The following CPNE1 variants were observed in gnomAD, a reference collection of about 807,000 sequenced individuals.
CPNE1 encodes the protein copine-1.
CPNE1 carries 58 observed loss-of-function variants against 63.2 expected under a neutral mutation model. The ratio of observed to expected loss-of-function variants is 0.92; its 90% CI spans 0.74 to 1.14. CPNE1 has a LOEUF of 1.14. Ranked by LOEUF, CPNE1 falls within the 50% of genes most tolerant of loss-of-function variation. The pLI is 0.00. For missense variants in CPNE1, 672 were observed against 661.7 expected, an observed-to-expected ratio of 1.02 and a Z score of -0.17; for synonymous variants, 237 against 249.0, an observed-to-expected ratio of 0.95 and a Z score of 0.45.
intron 1 of CPNE1, among the ~76,000 whole-genome samples, chr20:35,638,583 C>T (rs2032622052): frequency 6.6e-6 from 1 of 151,542 alleles, no homozygotes; most frequent in South Asian, 2.1e-4. Flanking sequence ...GGAAAACAGT[C>T]TGGCAGCTTA....
intron 7 of CPNE1, 39 bp from the exon 8 acceptor site, chr20:35,631,617 G>A (rs758667988): frequency 6.2e-7 from 1 of 1,607,464 alleles, no homozygotes; most frequent in Non-Finnish European, 8.5e-7. Context: ...CAAGCCAGGT[G>A]GCAGATGAGA....
At position 35,627,379 on chromosome 20, in the gene CPNE1, G is replaced by A. The variant is rs779032581; in HGVS notation, c.1137C>T (p.Ala379=). ...IQGIVDAYRQ[A]LPQVRLYGPT... is the part of the protein sequence containing the mutation. ...GGCCATAGAGGCGAACTTGGGGCAG[G>A]GCTTGGCGGTAGGCATCCACAATGC... is the stretch of plus-strand genomic sequence containing the variant. Residue 379 remains alanine, a synonymous_variant, in exon 14 of 16, where the codon GCC becomes GCT. Coordinates refer to ENST00000397443, the MANE Select transcript of CPNE1 (RefSeq NM_152925.3). 2 of 1,614,052 alleles carry A rather than the reference G, an allele frequency of 1.2e-6. No individual in the cohort carries two copies. The highest frequency in any genetic ancestry group is 1.7e-6 in the Non-Finnish European group (2 of 1,180,016).
Position 35,630,450 on chromosome 20 carries a change from G to A in CPNE1, c.1091C>T (p.Pro364Leu). Reference protein sequence around the residue: ...EFALNFNPSNPYCAGIQGIVD... With the variant: ...EFALNFNPSNLYCAGIQGIVD... The stretch of plus-strand genomic sequence containing the variant: ...ATGGGGAAACTTACCTGCACAGTAG[G>A]GGTTACTGGGGTTGAAATTCAAGGC... Residue 364 changes from proline to leucine, a missense_variant, in exon 13 of 16, where the codon CCC (proline) becomes CTC (leucine). Physicochemically the swap from Pro to Leu is moderately conservative, Grantham distance 98 (BLOSUM62 -3). Coordinates refer to ENST00000397443, the MANE Select transcript of CPNE1 (RefSeq NM_152925.3). 1 of 1,614,120 alleles carries A rather than the reference G, an allele frequency of 6.2e-7. No homozygotes were observed. Among genetic ancestry groups the A allele is most frequent in the East Asian group, 2.2e-5 (1 of 44,882 alleles).
chr20:35,628,855 G>C (rs1337528646), intron 13 of CPNE1, among the ~76,000 whole-genome samples: 2 of 152,200 alleles, frequency 1.3e-5, no homozygotes, highest in African/African-American at 4.8e-5. Flanking sequence ...ATGTAAGAAA[G>C]AGTCTTTGAT....
rs145793998 is a variant in CPNE1, at chr20:35,630,714, G to A, written c.1050+27C>T. 2.7e-4 allele frequency: 441 copies of A among 1,612,218 alleles called. No homozygotes were observed. In the African/African-American group the frequency reaches 4.9e-3, roughly 18 times the overall value. On this transcript the variant is annotated intron_variant, in intron 12 of 15. Transcript: ENST00000397443. ...AATCAGGACCCTGAAACTGAAAACA[G>A]GAGTGGCAGAAAGAGAGGGAGCTCA...
At chr20:35,647,620 G>A (rs2033204922) in intron 1 of CPNE1, among the ~76,000 whole-genome samples, 1 of 152,066 alleles carries the variant, frequency 6.6e-6, no homozygotes, top group African/African-American at 2.4e-5. Flanking sequence ...AGAGCAGTAT[G>A]TAGAGTAGCA....
At chr20:35,646,387 A>C (rs971311524) in intron 1 of CPNE1, among the ~76,000 whole-genome samples, 1 of 141,626 alleles carries the variant, frequency 7.1e-6, no homozygotes, top group Non-Finnish European at 1.5e-5. Context: ...CTAAGTGACA[A>C]GGCTTTTTTT....
chr20:35,635,761 T>C (rs1180195291), intron 1 of CPNE1, among the ~76,000 whole-genome samples: 1 of 152,054 alleles, frequency 6.6e-6, no homozygotes, highest in African/African-American at 2.4e-5. Context: ...CCTATACTGA[T>C]CCTCAGTCAA....
In CPNE1 at chr20:35,633,029, A is replaced by G. The variant is rs1417520903; in HGVS notation, c.1-106T>C. The G allele has an allele frequency of 7.8e-6, 6 of 768,700 alleles. No homozygotes were observed. In the East Asian group the frequency reaches 9.9e-5, roughly 13 times the overall value. The allele number at this position is 768,700 out of a possible 1,614,324, so 47.6% of individuals were successfully genotyped here. Reference sequence around the variant, plus strand: ...AGCAGGCATCACCCAGGCAGGGCTGAGCATACGTCCACCCCCGTGACACCC... The same window carrying G: ...AGCAGGCATCACCCAGGCAGGGCTGGGCATACGTCCACCCCCGTGACACCC... On this transcript the variant is annotated intron_variant, in intron 1 of 15. Transcript: ENST00000397443.
intron 1 of CPNE1, chr20:35,652,811 T>A (rs371961881): frequency 6.3e-7 from 1 of 1,590,094 alleles, no homozygotes; most frequent in East Asian, 2.2e-5. Flanking sequence ...CCAATATGGA[T>A]TGGGCCAGGG....
chr20:35,664,149 T>C (rs1324371072), intron 1 of CPNE1, among the ~76,000 whole-genome samples: 2 of 151,210 alleles, frequency 1.3e-5, no homozygotes, highest in South Asian at 2.1e-4. Context: ...TCCCCAGCAA[T>C]GGACCTCGGA....
At position 35,632,683 on chromosome 20, in the gene CPNE1, T is replaced by G; in HGVS notation, c.143A>C (p.Glu48Ala). 3 of 1,065,560 alleles carry G rather than the reference T, an allele frequency of 2.8e-6. No individual in the cohort carries two copies. The highest frequency in any genetic ancestry group is 4.4e-6 in the Non-Finnish European group (3 of 678,500). The allele number at this position is 1,065,560 out of a possible 1,614,324, so 66.0% of individuals were successfully genotyped here. A position where few individuals can be genotyped will look rare whatever the true frequency, so the allele number is the denominator to read the frequency against. ...GGSWAELGRTERVRNCSSPEF... is the reference protein window; with the variant it reads ...GGSWAELGRTARVRNCSSPEF... ...AGGGCTTGAGCAGTTCCGCACCCGT[T>G]CAGTCCGGCCAAGCTGTGGGCAGAG... Residue 48 changes from glutamate (E) to alanine (A), a missense_variant, in exon 3 of 16, where the codon GAA (glutamate) becomes GCA (alanine). Coordinates refer to ENST00000397443, the MANE Select transcript of CPNE1 (RefSeq NM_152925.3).
intron 1 of CPNE1, among the ~76,000 whole-genome samples, chr20:35,663,473 C>T (rs1053502657): frequency 6.6e-6 from 1 of 152,154 alleles, no homozygotes; most frequent in African/African-American, 2.4e-5. Flanking sequence ...CTTCAACAAA[C>T]CTTCAGTTGC....
intron 1 of CPNE1, among the ~76,000 whole-genome samples, chr20:35,647,897 GAAAA>G (rs11481740): frequency 1.0e-5 from 1 of 98,742 alleles, no homozygotes; most frequent in Non-Finnish European, 2.2e-5. Flanking sequence ...TACTAAAAAT[GAAAA>G]AAAAAAAAAA....
intron 1 of CPNE1, among the ~76,000 whole-genome samples, chr20:35,662,867 C>G (rs1245376055): frequency 6.6e-6 from 1 of 152,166 alleles, no homozygotes; most frequent in Non-Finnish European, 1.5e-5. Context: ...CAATACGTTG[C>G]AAGTAACCAC....
intron 1 of CPNE1, among the ~76,000 whole-genome samples, chr20:35,640,094 C>T (rs953717668): frequency 1.3e-5 from 2 of 150,418 alleles, no homozygotes; most frequent in Non-Finnish European, 3.0e-5. Context: ...ACAGATTTGT[C>T]TCCTTTTCTT....
intron 1 of CPNE1, chr20:35,653,373 T>G: frequency 6.2e-7 from 1 of 1,614,132 alleles, no homozygotes; most frequent in Non-Finnish European, 8.5e-7. Context: ...TGGGCATTCC[T>G]GGAACTGCAG....
chr20:35,656,988 A>C (rs1471225160), intron 1 of CPNE1, among the ~76,000 whole-genome samples: 10 of 152,368 alleles, frequency 6.6e-5, no homozygotes, highest in African/African-American at 1.9e-4. Flanking sequence ...ATACTAATGC[A>C]ACAAAATCTG....
At chr20:35,659,717 G>A (rs1307093623) in intron 1 of CPNE1, among the ~76,000 whole-genome samples, 1 of 152,140 alleles carries the variant, frequency 6.6e-6, no homozygotes, top group African/African-American at 2.4e-5. Context: ...GACATATTAA[G>A]AGTATATCCC....
Sources: gnomAD v4.1 joint callset for allele counts (sites outside exome capture counted in the v4.1 genomes callset) on GRCh38, gnomAD v4.1.1 for gene constraint, MANE v1.5 for transcripts, NCBI Gene and HGNC (gene_info 2026-07-23, HGNC 2026-07-21) for gene names.